CROCC: variants seen among roughly 807,000 people sequenced by gnomAD.
CROCC encodes the protein ciliary rootlet coiled-coil, rootletin, also known as rootletin.
CROCC carries 180 observed loss-of-function variants against 245.2 expected under a neutral mutation model. The observed-to-expected ratio is 0.73, with a 90% CI of 0.65 to 0.83. CROCC has a LOEUF of 0.83. Ranked by LOEUF, CROCC falls within the 40% of genes least tolerant of loss-of-function variation. The probability of loss-of-function intolerance (pLI) is 0.00; values close to 1 mark genes in which losing one functional copy is unlikely to be tolerated. For synonymous variants in CROCC, 1,205 were observed against 1,241.6 expected (o/e 0.97, Z 0.62); for missense variants, 2,688 against 2,779.4 (o/e 0.97, Z 0.74).
chr1:16,947,621 C>A (rs183814717), intron 17 of CROCC, among the ~76,000 whole-genome samples: 372 of 152,246 alleles, frequency 2.4e-3, no homozygotes, highest in Non-Finnish European at 4.0e-3. Context: ...CAAGGTCTAT[C>A]CTGGAGCGCC....
At chr1:16,964,538 G>A (rs1232820768) in intron 27 of CROCC, among the ~76,000 whole-genome samples, 1 of 151,936 alleles carries the variant, frequency 6.6e-6, no homozygotes, top group Non-Finnish European at 1.5e-5. Context: ...ACAGGCGCCC[G>A]CCACCACACC....
chr1:16,924,314 T>C lies in CROCC; in HGVS notation c.197-11T>C. ...CCAGAAGCCAACCATGTGCCCACTG[T>C]CCCTTGCCAGTCCTGCTGCCGGCCA... On this transcript the variant is annotated splice_polypyrimidine_tract_variant and intron_variant, in intron 2 of 36. Coordinates refer to ENST00000375541, the MANE Select transcript of CROCC (RefSeq NM_014675.5). 6.2e-7 allele frequency: 1 copy of C among 1,610,836 alleles called. No homozygotes were observed.
Position 16,954,991 on chromosome 1 carries a change from C to A in CROCC, c.3465+114C>A. 1 of 1,282,956 alleles carries A rather than the reference C, an allele frequency of 7.8e-7. No homozygotes were observed. The highest frequency in any genetic ancestry group is 1.0e-6 in the Non-Finnish European group (1 of 957,870). The allele number at this position is 1,282,956 out of a possible 1,614,324, so 79.5% of individuals were successfully genotyped here. A position where few individuals can be genotyped will look rare whatever the true frequency, so the allele number is the denominator to read the frequency against. On this transcript the variant is annotated intron_variant, in intron 23 of 36. Transcript: ENST00000375541. The surrounding 1 kb of genome is among the most constrained non-coding windows in gnomAD (Gnocchi z 4.4). ...TAAGATTCCTCCCTGCATTTGAGGA[C>A]CAATGAATAGCAACTTAGAAAGGAG...
chr1:16,917,424 C>T (rs1288321184), upstream of CROCC, among the ~76,000 whole-genome samples: 4 of 152,268 alleles, frequency 2.6e-5, no homozygotes, highest in Admixed American at 6.5e-5. Flanking sequence ...ATGTTTGAAA[C>T]GAGTAATCTT....
rs1383969616 is a variant in CROCC at position 16,956,029 on chromosome 1, A to G, written c.3737A>G (p.Lys1246Arg). Residue 1246 changes from lysine to arginine, a missense_variant, in exon 25 of 37, where the codon AAG becomes AGG. Lys to Arg is a conservative substitution (Grantham distance 26). Around this residue, in one of 9 missense-constraint regions of CROCC, gnomAD observed 1,218 missense variants for 1,286.3 expected, o/e 0.95. Transcript: ENST00000375541. ...CTTGCCAATGAGGACAAGGAGCAGA[A>G]GCTGGCACTCCTAGAGGAGGCACGG... ...LKLANEDKEQKLALLEEARTA... is the reference protein window; with the variant it reads ...LKLANEDKEQRLALLEEARTA... 1 of 1,551,034 alleles carries G rather than the reference A, an allele frequency of 6.4e-7. No individual in the cohort carries two copies. The highest frequency in any genetic ancestry group is 8.7e-7 in the Non-Finnish European group (1 of 1,147,042).
intron 7 of CROCC, among the ~76,000 whole-genome samples, 182 bp downstream of exon 7, chr1:16,930,776 G>A (rs866429306): frequency 6.6e-6 from 1 of 152,294 alleles, no homozygotes; most frequent in Non-Finnish European, 1.5e-5. Context: ...CCACGTGCAC[G>A]GTGTGCGTTG....
At chr1:16,930,380 A>G (rs1186611754) in intron 6 of CROCC, 33 bp downstream of exon 6, 1 of 1,611,272 alleles carries the variant, frequency 6.2e-7, no homozygotes, top group South Asian at 1.1e-5. Context: ...CAGGGCTGGC[A>G]GGATGGCCCC....
intron 33 of CROCC, 49 bp from the exon 34 acceptor site, chr1:16,970,204 G>A: frequency 6.8e-7 from 1 of 1,479,338 alleles, no homozygotes; most frequent in Non-Finnish European, 9.1e-7. Flanking sequence ...CTTCAGATAA[G>A]TATGCTCAGG....
chr1:16,938,552 CG>C, intron 11 of CROCC, 69 bp downstream of exon 11: 1 of 1,415,754 alleles, frequency 7.1e-7, no homozygotes, highest in Non-Finnish European at 9.7e-7. Context: ...CCACGTCTTT[CG>C]GTGACCTGGG....
At chr1:16,925,137 T>C (rs1397846821) in intron 3 of CROCC, among the ~76,000 whole-genome samples, 1 of 152,256 alleles carries the variant, frequency 6.6e-6, no homozygotes, top group East Asian at 1.9e-4. Flanking sequence ...GGCCTCCGGG[T>C]GGCCGGGAGG....
chr1:16,937,104 C>T (rs1570623879), intron 9 of CROCC, among the ~76,000 whole-genome samples: 1 of 152,270 alleles, frequency 6.6e-6, no homozygotes, highest in Admixed American at 6.5e-5. Context: ...CCTGTAATCC[C>T]AGCACTTTGG....
chr1:16,971,413 C>T (rs1237132361), intron 35 of CROCC, 52 bp from the exon 36 acceptor site: 4 of 1,479,080 alleles, frequency 2.7e-6, no homozygotes, highest in Non-Finnish European at 3.6e-6. Context: ...GTCACACATG[C>T]ACACACACAC....
chr1:16,925,674 G>A (rs924808448), intron 3 of CROCC, among the ~76,000 whole-genome samples: 3 of 152,284 alleles, frequency 2.0e-5, no homozygotes, highest in Non-Finnish European at 4.4e-5. Context: ...CCAGGCTGGA[G>A]CCCGCATTGG....
chr1:16,930,134 A>G lies in CROCC; in HGVS notation c.548A>G (p.Tyr183Cys), dbSNP rs1255559444. The G allele has an allele frequency of 8.2e-6, 13 of 1,593,734 alleles. No individual in the cohort carries two copies. The Admixed American group carries it at 2.3e-4, about 28-fold the overall frequency. The change falls in exon 5 of 37, where the codon TAC becomes TGC. Residue 183 changes from tyrosine to cysteine, a missense_variant. This residue lies in a region of CROCC where 972 missense variants were observed against 895.3 expected (regional missense o/e 1.09). Transcript: ENST00000375541. The part of the protein sequence containing the change: ...VQRLQGKILQ[Y>C]KKRCSELEQQ... Reference sequence around the variant, plus strand: ...GCTCCCCATCCCCAGATTCTCCAGTACAAGAAGAGGTGCTCGGAGCTGGAG... The same window carrying G: ...GCTCCCCATCCCCAGATTCTCCAGTGCAAGAAGAGGTGCTCGGAGCTGGAG...
At chr1:16,945,078 C>T (rs1203894374) in intron 14 of CROCC, among the ~76,000 whole-genome samples, 1 of 152,258 alleles carries the variant, frequency 6.6e-6, no homozygotes, top group Non-Finnish European at 1.5e-5. Flanking sequence ...ACTAAAACTA[C>T]AAAAATTAGT....
Position 16,970,324 on chromosome 1 carries a change from G to A in CROCC, c.5523G>A (p.Arg1841=). ...NTVQKLQDER[R]LLQERLGSLQ... is the part of the protein sequence containing the mutation. ...TCCAGAAGCTGCAAGACGAGCGGCG[G>A]CTGCTGCAGGAGCGCCTGGGAAGCC... is the stretch of plus-strand genomic sequence containing the variant. Residue 1841 remains arginine, a synonymous_variant, in exon 34 of 37, where the codon CGG becomes CGA. Coordinates refer to ENST00000375541, the MANE Select transcript of CROCC (RefSeq NM_014675.5). 1 of 1,586,330 alleles carries A rather than the reference G, an allele frequency of 6.3e-7. No homozygotes were observed. The highest frequency in any genetic ancestry group is 1.3e-5 in the African/African-American group (1 of 74,512).
intron 4 of CROCC, 31 bp from the exon 5 acceptor site, chr1:16,930,093 C>CT: frequency 2.5e-6 from 4 of 1,578,372 alleles, no homozygotes; most frequent in Non-Finnish European, 3.4e-6. Flanking sequence ...GCCCCAACCC[C>CT]TGGGGCTCAC....
chr1:16,940,730 G>GTTTT, intron 13 of CROCC: 1 of 246,596 alleles, frequency 4.1e-6, no homozygotes, highest in Non-Finnish European at 8.2e-6. Flanking sequence ...GTTTTGTTTT[G>GTTTT]TTTTGCTTTG....
chr1:16,944,428 C>T (rs2076002528), intron 14 of CROCC, 146 bp downstream of exon 14: 1 of 904,116 alleles, frequency 1.1e-6, no homozygotes, highest in Non-Finnish European at 1.5e-6. Flanking sequence ...CTAACCAGAC[C>T]CATTTCAGGA....
Sources: gnomAD v4.1 joint callset for allele counts (sites outside exome capture counted in the v4.1 genomes callset) on GRCh38, gnomAD v4.1.1 for gene constraint, gnomAD v4.1.1 regional missense constraint, Gnocchi (gnomAD v3.1) non-coding constraint, MANE v1.5 for transcripts, NCBI Gene and HGNC (gene_info 2026-07-23, HGNC 2026-07-21) for gene names.